Variants in TDRD10 observed in about 807,000 individuals in gnomAD.
The protein encoded by TDRD10 is tudor domain containing 10.
In TDRD10, 40 loss-of-function variants were observed where a neutral mutation model predicts 48.0. The ratio of observed to expected loss-of-function variants is 0.83; its 90% CI spans 0.65 to 1.09. The LOEUF is 1.09. TDRD10 is among the 50% of genes least tolerant of loss of function. TDRD10 has a pLI of 0.00. For missense variants in TDRD10, 378 were observed against 434.7 expected, an observed-to-expected ratio of 0.87 and a Z score of 1.16; for synonymous variants, 162 against 170.4, an observed-to-expected ratio of 0.95 and a Z score of 0.38.
At chr1:154,506,154 C>G (rs1693140103) in intron 1 of TDRD10, among the ~76,000 whole-genome samples, 1 of 152,144 alleles carries the variant, frequency 6.6e-6, no homozygotes, top group Admixed American at 6.5e-5. Flanking sequence ...CTGTAAGTCA[C>G]AAGTCTGACA....
chr1:154,515,797 C>T (rs1693730799), intron 4 of TDRD10, among the ~76,000 whole-genome samples: 1 of 152,220 alleles, frequency 6.6e-6, no homozygotes, highest in South Asian at 2.1e-4. Context: ...TCACTGCCAC[C>T]TCTGCCTCCT....
intron 4 of TDRD10, among the ~76,000 whole-genome samples, chr1:154,514,235 C>T (rs1466697908): frequency 6.6e-6 from 1 of 152,124 alleles, no homozygotes; most frequent in Non-Finnish European, 1.5e-5. Context: ...TAACGAAATA[C>T]AATGATAGCC....
chr1:154,544,397 T>G lies in TDRD10; in HGVS notation c.677T>G (p.Leu226Arg), dbSNP rs773305345. The change falls in exon 10 of 13, where the codon CTG becomes CGG. Residue 226 changes from leucine (L) to arginine (R), a missense_variant. This residue lies in a region of TDRD10 where 310 missense variants were observed against 323.6 expected (regional missense o/e 0.96). Transcript: ENST00000368482. The part of the protein sequence containing the change: ...TEALHQNMQA[L>R]FSTLAQAEEQ... ...GCTCTGCACCAGAACATGCAGGCTC[T>G]GTTTAGCACCCTGGCTCAGGCGGAG... 6 of 1,594,038 alleles carry G rather than the reference T, an allele frequency of 3.8e-6. No individual in the cohort carries two copies. The highest frequency in any genetic ancestry group is 4.3e-6 in the Non-Finnish European group (5 of 1,170,912).
Position 154,548,000 on chromosome 1 carries a change from C to T in TDRD10, c.*290C>T, listed in dbSNP as rs1695700905. Reference sequence around the variant, plus strand: ...GCAGCTGGGATGGTCTTTCTTGTGTCTCTTCTTTGCACCCCAGAGCATGAT... The same window carrying T: ...GCAGCTGGGATGGTCTTTCTTGTGTTTCTTCTTTGCACCCCAGAGCATGAT... On this transcript the variant is annotated 3_prime_UTR_variant, in exon 13 of 13. Transcript: ENST00000368482. 2 of 515,642 alleles carry T rather than the reference C, an allele frequency of 3.9e-6. No individual in the cohort carries two copies. The highest frequency in any genetic ancestry group is 6.9e-6 in the Non-Finnish European group (2 of 290,222). The allele number at this position is 515,642 out of a possible 1,614,324, so 31.9% of individuals were successfully genotyped here. A position where few individuals can be genotyped will look rare whatever the true frequency, so the allele number is the denominator to read the frequency against.
intron 11 of TDRD10, among the ~76,000 whole-genome samples, chr1:154,545,659 C>T (rs1553200917): frequency 6.6e-6 from 1 of 151,906 alleles, no homozygotes; most frequent in Non-Finnish European, 1.5e-5. Context: ...ATAGCAGCCT[C>T]AAACTCCTTG....
intron 4 of TDRD10, among the ~76,000 whole-genome samples, chr1:154,514,882 T>TTATTTATTTA (rs1557816912): frequency 3.4e-3 from 202 of 58,868 alleles, no homozygotes; most frequent in African/African-American, 9.3e-3. Context: ...TTATTTTTTT[T>TTATTTATTTA]TTTGAGACGG....
intron 4 of TDRD10, among the ~76,000 whole-genome samples, chr1:154,516,623 C>A (rs1693785277): frequency 6.6e-6 from 1 of 152,134 alleles, no homozygotes; most frequent in Non-Finnish European, 1.5e-5. Context: ...CAGTGATAGA[C>A]CCTGGCACCT....
At chr1:154,515,464 C>T (rs1482320943) in intron 4 of TDRD10, among the ~76,000 whole-genome samples, 2 of 152,188 alleles carry the variant, frequency 1.3e-5, no homozygotes, top group Non-Finnish European at 2.9e-5. Flanking sequence ...CTGTGTGAAC[C>T]GCTCCCTGTG....
intron 4 of TDRD10, among the ~76,000 whole-genome samples, chr1:154,516,367 G>A (rs1183281366): frequency 1.3e-5 from 2 of 151,888 alleles, no homozygotes; most frequent in Non-Finnish European, 2.9e-5. Context: ...AAGGTGGGAA[G>A]GAAGGGATCG....
At chr1:154,529,086 GT>G (rs550879706) in intron 6 of TDRD10, among the ~76,000 whole-genome samples, 1 of 148,480 alleles carries the variant, frequency 6.7e-6, no homozygotes, top group Admixed American at 6.7e-5. Flanking sequence ...TTATAATGTT[GT>G]TTTTTTTTTG....
chr1:154,522,320 C>T (rs1226117241), intron 6 of TDRD10, among the ~76,000 whole-genome samples: 1 of 152,094 alleles, frequency 6.6e-6, no homozygotes, highest in East Asian at 1.9e-4. Flanking sequence ...GTCCCCGTAA[C>T]TCATGGCCTT....
chr1:154,531,728 G>T (rs1694634864), intron 6 of TDRD10, among the ~76,000 whole-genome samples: 1 of 152,158 alleles, frequency 6.6e-6, no homozygotes, highest in African/African-American at 2.4e-5. Context: ...GCCACTGCTG[G>T]CTCGGGCAGC....
chr1:154,505,149 G>C (rs1257952446), intron 1 of TDRD10, among the ~76,000 whole-genome samples: 2 of 152,206 alleles, frequency 1.3e-5, no homozygotes, highest in East Asian at 3.8e-4. Context: ...GATGCTAAGT[G>C]ATCTTGGCCA....
intron 1 of TDRD10, among the ~76,000 whole-genome samples, chr1:154,504,729 C>G (rs755710397): frequency 1.3e-5 from 2 of 152,136 alleles, no homozygotes; most frequent in African/African-American, 2.4e-5. Context: ...TATTTGTTGT[C>G]TTTGTTGGTG....
At chr1:154,531,276 G>A (rs1001079529) in intron 6 of TDRD10, among the ~76,000 whole-genome samples, 11 of 152,192 alleles carry the variant, frequency 7.2e-5, no homozygotes, top group African/African-American at 1.4e-4. Context: ...CACCAGTGTC[G>A]TCTTGGCATT....
intron 4 of TDRD10, among the ~76,000 whole-genome samples, chr1:154,517,702 A>G (rs4845637): frequency 0.52 from 79,583 of 152,076 alleles, 23,265 homozygotes; most frequent in East Asian, 0.76. Flanking sequence ...GATTACAGGC[A>G]TGAGCCACCG....
intron 6 of TDRD10, among the ~76,000 whole-genome samples, chr1:154,528,533 T>A (rs893337326): frequency 1.3e-4 from 20 of 151,668 alleles, no homozygotes; most frequent in South Asian, 4.2e-4. Context: ...CCAAAAAAAA[T>A]TTTTTTAACA....
intron 11 of TDRD10, among the ~76,000 whole-genome samples, chr1:154,546,190 C>T (rs1240023824): frequency 6.6e-6 from 1 of 150,620 alleles, no homozygotes; most frequent in African/African-American, 2.4e-5. Flanking sequence ...TCTCCTGCCT[C>T]GGCCTCCTGG....
chr1:154,526,761 G>A (rs1215689615), intron 6 of TDRD10, among the ~76,000 whole-genome samples: 5 of 145,408 alleles, frequency 3.4e-5, no homozygotes, highest in African/African-American at 1.3e-4. Flanking sequence ...CCTAATTTTT[G>A]TATTTTTTGG....
Sources: allele counts gnomAD v4.1 joint callset (sites outside exome capture counted in the v4.1 genomes callset), GRCh38; gene constraint gnomAD v4.1.1; regional missense constraint gnomAD v4.1.1; transcripts MANE v1.5; gene names NCBI Gene and HGNC (gene_info 2026-07-23, HGNC 2026-07-21).